The following OAS3 variants were observed in gnomAD, a reference collection of about 807,000 sequenced individuals.
OAS3 encodes the protein 2'-5'-oligoadenylate synthetase 3, also known as 2'-5'-oligoadenylate synthase 3.
OAS3 carries 107 observed loss-of-function variants against 113.0 expected under a neutral mutation model. The observed-to-expected ratio is 0.95, with a 90% confidence interval of 0.81 to 1.11. The LOEUF is 1.11. OAS3 is among the 50% of genes most tolerant of loss of function. The pLI is 0.00. For missense variants in OAS3, 1,258 were observed against 1,389.1 expected, an observed-to-expected ratio of 0.91 and a Z score of 1.50; for synonymous variants, 552 against 573.6, an observed-to-expected ratio of 0.96 and a Z score of 0.54.
intron 7 of OAS3, among the ~76,000 whole-genome samples, chr12:112,951,681 G>A (rs965352294): frequency 2.6e-5 from 4 of 151,894 alleles, no homozygotes; most frequent in African/African-American, 9.7e-5. Context: ...GCATTTCTTA[G>A]ATTGCCCATG....
chr12:112,968,129 A>T lies in OAS3; in HGVS notation c.3059A>T (p.Asp1020Val), dbSNP rs1439703067. 1 of 1,613,848 alleles carries T rather than the reference A, an allele frequency of 6.2e-7. No homozygotes were observed. Among genetic ancestry groups the T allele is most frequent in the East Asian group, 2.2e-5 (1 of 44,888 alleles). The change falls in exon 14 of 16, where the codon GAC (aspartate) becomes GTC (valine). Residue 1020 changes from aspartate to valine, a missense_variant. By Grantham distance (152) the Asp-to-Val change is radical. Coordinates refer to ENST00000228928, the MANE Select transcript of OAS3 (RefSeq NM_006187.4). ...IYWTINYNAKDKTVGDFLKQQ... is the reference protein window; with the variant it reads ...IYWTINYNAKVKTVGDFLKQQ... The stretch of plus-strand genomic sequence containing the variant: ...TGGACCATCAACTACAACGCCAAGG[A>T]CAAGACTGTTGGAGACTTCCTGAAA...
intron 7 of OAS3, among the ~76,000 whole-genome samples, chr12:112,952,863 G>T (rs1267383172): frequency 6.6e-6 from 1 of 152,074 alleles, no homozygotes; most frequent in East Asian, 1.9e-4. Context: ...TTTTCTGTTT[G>T]CATGCATGAA....
chr12:112,947,922 C>T, intron 4 of OAS3, 24 bp from the exon 5 acceptor site: 2 of 1,559,206 alleles, frequency 1.3e-6, no homozygotes, highest in Non-Finnish European at 1.7e-6. Flanking sequence ...TAACCAGAAC[C>T]TTCTTGTCTC....
rs1565973514 is a variant in OAS3, at chr12:112,941,687, AGT to A, written c.297_298del (p.Ser99ArgfsTer23). The A allele has an allele frequency of 6.2e-7, 1 of 1,614,054 alleles. No homozygotes were observed. Among genetic ancestry groups the A allele is most frequent in the Admixed American group, 1.7e-5 (1 of 60,028 alleles). On this transcript the variant is annotated frameshift_variant, in exon 2 of 16. Transcript: ENST00000228928. LOFTEE classifies it high-confidence loss of function. ...DQRARRAEILSEMRASLESWW... is the reference protein window; with the variant it reads ...DQRARRAEILXEMRASLESWW... ...GAGGGCCCGCCGTGCAGAGATCCTC[AGT>A]GAGATGCGGGCATCGCTGGAATCCT... is the stretch of plus-strand genomic sequence containing the variant.
At chr12:112,956,201 A>G (rs1050711743) in intron 7 of OAS3, among the ~76,000 whole-genome samples, 14 of 151,908 alleles carry the variant, frequency 9.2e-5, no homozygotes, top group Non-Finnish European at 1.6e-4. Flanking sequence ...ATCATTTTTT[A>G]TTGTGTCTAT....
chr12:112,946,348 C>G lies in OAS3; in HGVS notation c.637-395C>G, dbSNP rs370808198. ...GAGGAGGGAAGGACAGAGTTCTGGCCCGCTGCCCCACCCCACTCCAGGGGT... is the reference window on the plus strand; with the variant it reads ...GAGGAGGGAAGGACAGAGTTCTGGCGCGCTGCCCCACCCCACTCCAGGGGT... On this transcript the variant is annotated intron_variant, in intron 3 of 15. Transcript: ENST00000228928. Among the ~76,000 whole-genome samples the G allele has an allele frequency of 5.3e-5, 8 of 152,108 alleles. No homozygotes were observed. In the South Asian group the frequency reaches 1.2e-3, roughly 24 times the overall value.
At chr12:112,946,708 T>G in intron 3 of OAS3, 35 bp from the exon 4 acceptor site, 1 of 1,554,574 alleles carries the variant, frequency 6.4e-7, no homozygotes, top group Non-Finnish European at 8.7e-7. Flanking sequence ...CCTCCCCTTC[T>G]TCCTTCTGAG....
rs765600506 is a variant in OAS3 at position 112,944,582 on chromosome 12, G to A, written c.567G>A (p.Arg189=). Residue 189 remains arginine (R), a synonymous_variant, in exon 3 of 16, where the codon AGG becomes AGA. Transcript: ENST00000228928. ...CGGCCTGCTTCACAGAGCTGCGGAG[G>A]AACTTTGTGAACATTCGCCCAGCCA... ...EHAACFTELR[R]NFVNIRPAKL... 1.2e-6 allele frequency: 2 copies of A among 1,614,062 alleles called. No homozygotes were observed. Among genetic ancestry groups the A allele is most frequent in the South Asian group, 2.2e-5 (2 of 91,084 alleles).
At chr12:112,939,729 G>A (rs538398683) in intron 1 of OAS3, among the ~76,000 whole-genome samples, 2 of 152,134 alleles carry the variant, frequency 1.3e-5, no homozygotes, top group Admixed American at 6.5e-5. Flanking sequence ...CAGGACACTC[G>A]CAGATTCAGG....
chr12:112,965,901 G>T lies in OAS3; in HGVS notation c.2561G>T (p.Arg854Leu). The change falls in exon 12 of 16, where the codon CGG becomes CTG. Residue 854 changes from arginine (R) to leucine (L), a missense_variant. Arg to Leu is a moderately radical substitution (Grantham distance 102). Transcript: ENST00000228928. ...RAQLEACQQE[R>L]QFEVKFEVSK... ...CAGCTGGAGGCATGTCAACAGGAGC[G>T]GCAGTTCGAGGTCAAGTTTGAAGTC... 6.2e-7 allele frequency: 1 copy of T among 1,613,564 alleles called. No individual in the cohort carries two copies. Among genetic ancestry groups the T allele is most frequent in the South Asian group, 1.1e-5 (1 of 90,944 alleles).
At chr12:112,959,338 T>C (rs4238034) in intron 7 of OAS3, among the ~76,000 whole-genome samples, 108,265 of 151,702 alleles carry the variant, frequency 0.71, 38,982 homozygotes, top group East Asian at 0.91. Flanking sequence ...GGTCCGTGGG[T>C]TGTACCCACT....
chr12:112,947,030 G>C, intron 4 of OAS3, 49 bp downstream of exon 4: 2 of 1,503,284 alleles, frequency 1.3e-6, no homozygotes, highest in Non-Finnish European at 1.8e-6. Context: ...GGGCCAGGGG[G>C]AGATAATTGA....
intron 2 of OAS3, 111 bp downstream of exon 2, chr12:112,941,963 T>A (rs1411023979): frequency 2.4e-5 from 32 of 1,315,274 alleles, no homozygotes; most frequent in Non-Finnish European, 3.5e-5. Context: ...TGGGCCAGCC[T>A]CTACCCCTCT....
At position 112,948,094 on chromosome 12, in the gene OAS3, G is replaced by A; in HGVS notation, c.1024G>A (p.Gly342Arg). ...GMGDPVQSWKGPGLPRAGCSG... is the reference protein window; with the variant it reads ...GMGDPVQSWKRPGLPRAGCSG... The stretch of plus-strand genomic sequence containing the variant: ...GGGGGACCCAGTGCAGTCTTGGAAG[G>A]GGCCGGTAAGTGAGGGGGCCCCAGG... Residue 342 changes from glycine (G) to arginine (R), a missense_variant, in exon 5 of 16, where the codon GGG becomes AGG. By Grantham distance (125) the Gly-to-Arg change is moderately radical (BLOSUM62 -2). Coordinates refer to ENST00000228928, the MANE Select transcript of OAS3 (RefSeq NM_006187.4). 6.6e-7 allele frequency: 1 copy of A among 1,526,714 alleles called. No individual in the cohort carries two copies. Among genetic ancestry groups the A allele is most frequent in the Middle Eastern group, 1.8e-4 (1 of 5,696 alleles). 94.6% of individuals were successfully genotyped at this position (1,526,714 alleles called of 1,614,324 possible). A position where few individuals can be genotyped will look rare whatever the true frequency, so the allele number is the denominator to read the frequency against.
In OAS3 at chr12:112,944,618, C is replaced by T. The variant is rs772595748; in HGVS notation, c.603C>T (p.Asn201=). The stretch of plus-strand genomic sequence containing the variant: ...ACATTCGCCCAGCCAAGTTGAAGAA[C>T]CTAATCTTGCTGGTGAAGCACTGGT... The part of the protein sequence containing the change: ...FVNIRPAKLK[N]LILLVKHWYH... Residue 201 remains asparagine, a synonymous_variant, in exon 3 of 16, where the codon AAC becomes AAT. Transcript: ENST00000228928. 55 of 1,613,930 alleles carry T rather than the reference C, an allele frequency of 3.4e-5. No homozygotes were observed. The highest frequency in any genetic ancestry group is 4.5e-5 in the Non-Finnish European group (53 of 1,179,908).
intron 14 of OAS3, 98 bp from the exon 15 acceptor site, chr12:112,969,510 C>A: frequency 7.1e-7 from 1 of 1,414,620 alleles, no homozygotes; most frequent in South Asian, 1.2e-5. Flanking sequence ...CTAGCCCCTG[C>A]AAAGTGTTAG....
Position 112,969,764 on chromosome 12 carries a change from T to A in OAS3, c.3252+9T>A, listed in dbSNP as rs754083441. On this transcript the variant is annotated intron_variant, in intron 15 of 15. Transcript: ENST00000228928. ...AGCCATGGCCAGTGAAGGTGAGAGA[T>A]CTGTGGTGCCAAAGGAAGTACCCTT... The A allele has an allele frequency of 2.5e-6, 4 of 1,611,186 alleles. No homozygotes were observed. The highest frequency in any genetic ancestry group is 2.2e-5 in the East Asian group (1 of 44,822).
chr12:112,964,259 G>T lies in OAS3; in HGVS notation c.2254G>T (p.Ala752Ser), dbSNP rs1555226493. 1 of 1,597,696 alleles carries T rather than the reference G, an allele frequency of 6.3e-7. No individual in the cohort carries two copies. Among genetic ancestry groups the T allele is most frequent in the Non-Finnish European group, 8.5e-7 (1 of 1,171,676 alleles). The stretch of plus-strand genomic sequence containing the variant: ...GCCAGCCCTCCTTTACCAAACCCCA[G>T]CTGGGGACCTTGACAAGTTCATCAG... ...VMPALLYQTP[A>S]GDLDKFISEF... The change falls in exon 11 of 16, where the codon GCT (alanine) becomes TCT (serine). Residue 752 changes from alanine to serine, a missense_variant. By Grantham distance (99) the Ala-to-Ser change is moderately conservative. Coordinates refer to ENST00000228928, the MANE Select transcript of OAS3 (RefSeq NM_006187.4).
Position 112,968,016 on chromosome 12 carries a change from G to A in OAS3, c.2946G>A (p.Gln982=). ...TCCTGACTGTGTATGCCTGGGAGCA[G>A]GGCGGGAAGGACTCCCAGTTCAACA... ...LELLTVYAWE[Q]GGKDSQFNMA... Residue 982 remains glutamine, a synonymous_variant, in exon 14 of 16, where the codon CAG becomes CAA. Coordinates refer to ENST00000228928, the MANE Select transcript of OAS3 (RefSeq NM_006187.4). 6.2e-7 allele frequency: 1 copy of A among 1,614,032 alleles called. No homozygotes were observed. The highest frequency in any genetic ancestry group is 8.5e-7 in the Non-Finnish European group (1 of 1,179,892).
Sources: gnomAD v4.1 joint callset for allele counts (sites outside exome capture counted in the v4.1 genomes callset) on GRCh38, gnomAD v4.1.1 for gene constraint, MANE v1.5 for transcripts, NCBI Gene and HGNC (gene_info 2026-07-23, HGNC 2026-07-21) for gene names.